NEU4: variants seen among roughly 807,000 people sequenced by gnomAD.
NEU4 encodes neuraminidase 4.
NEU4 carries 7 observed loss-of-function variants against 9.9 expected under a neutral mutation model. The observed-to-expected ratio is 0.71, with a 90% CI of 0.40 to 1.33. NEU4 has a LOEUF of 1.33. NEU4 is among the 40% of genes most tolerant of loss of function. The pLI, the probability that NEU4 is intolerant of heterozygous loss-of-function variation, is 0.01. For missense variants in NEU4, 717 were observed against 712.6 expected (o/e 1.01, Z -0.07); for synonymous variants, 348 against 316.9 (o/e 1.10, Z -1.04).
At chr2:241,812,375 G>A (rs1245161209) in intron 1 of NEU4, among the ~76,000 whole-genome samples, 2 of 152,078 alleles carry the variant, frequency 1.3e-5, no homozygotes, top group Non-Finnish European at 2.9e-5. Context: ...CAGGGAGGGC[G>A]GGGGGCACTG....
intron 1 of NEU4, chr2:241,811,873 T>C (rs1195796202): frequency 1.6e-5 from 3 of 186,812 alleles, no homozygotes; most frequent in Non-Finnish European, 3.3e-5. Context: ...GGGTCTGTGG[T>C]CGGAGTCTTC....
At chr2:241,815,855 G>C in intron 3 of NEU4, 196 bp from the exon 4 acceptor site, 1 of 627,926 alleles carries the variant, frequency 1.6e-6, no homozygotes, top group East Asian at 2.7e-5. Flanking sequence ...GGGCTCGGCT[G>C]CTAAGGGCTG....
rs774451431 is a variant in NEU4 at position 241,814,626 on chromosome 2, G to C, written c.142G>C (p.Asp48His). ...TGTGGAGCAGCGGCTCAGCCCTGACGACTCCCACGCCCACCGCCTGGTGCT... is the reference window on the plus strand; with the variant it reads ...TGTGGAGCAGCGGCTCAGCCCTGACCACTCCCACGCCCACCGCCTGGTGCT... The part of the protein sequence containing the change: ...AFVEQRLSPD[D>H]SHAHRLVLRR... The change falls in exon 2 of 4, where the codon GAC becomes CAC. Residue 48 changes from aspartate (D) to histidine (H), a missense_variant. Physicochemically the swap from Asp to His is moderately conservative, Grantham distance 81. Coordinates refer to ENST00000407683, the MANE Select transcript of NEU4 (RefSeq NM_001167600.3). The C allele has an allele frequency of 5.0e-6, 8 of 1,600,390 alleles. No individual in the cohort carries two copies. Among genetic ancestry groups the C allele is most frequent in the Non-Finnish European group, 6.8e-6 (8 of 1,174,606 alleles).
intron 1 of NEU4, among the ~76,000 whole-genome samples, chr2:241,812,375 G>C (rs1245161209): frequency 6.6e-6 from 1 of 152,078 alleles, no homozygotes; most frequent in African/African-American, 2.4e-5. Flanking sequence ...CAGGGAGGGC[G>C]GGGGGCACTG....
In NEU4 at chr2:241,817,002, C is replaced by T. The variant is rs565670303; in HGVS notation, c.1409C>T (p.Pro470Leu). The T allele has an allele frequency of 2.1e-5, 33 of 1,608,314 alleles. No individual in the cohort carries two copies. The highest frequency in any genetic ancestry group is 1.6e-4 in the East Asian group (7 of 44,824). The part of the protein sequence containing the change: ...VLENVPASPK[P>L]PNLGDKPRGC... The stretch of plus-strand genomic sequence containing the variant: ...GAGAACGTGCCCGCCAGCCCCAAAC[C>T]GCCCAACCTTGGGGACAAGCCTCGG... The change falls in exon 4 of 4, where the codon CCG becomes CTG. Residue 470 changes from proline to leucine, a missense_variant. Physicochemically the swap from Pro to Leu is moderately conservative, Grantham distance 98. Transcript: ENST00000407683.
chr2:241,814,262 G>A (rs1165083379), intron 1 of NEU4: 3 of 626,594 alleles, frequency 4.8e-6, no homozygotes, highest in Non-Finnish European at 8.7e-6. Context: ...ACAGACATTT[G>A]GGGTGGAGTG....
chr2:241,813,515 C>A, intron 1 of NEU4: 1 of 1,215,146 alleles, frequency 8.2e-7, no homozygotes, highest in South Asian at 1.5e-5. Flanking sequence ...ACCCCCCAGG[C>A]AGGTCCCGCC....
intron 3 of NEU4, chr2:241,815,525 A>G (rs1173114278): frequency 2.0e-6 from 1 of 489,418 alleles, no homozygotes; most frequent in Non-Finnish European, 4.1e-6. Flanking sequence ...CCCCCCGCTA[A>G]TCTCTTTATC....
chr2:241,815,753 G>T, intron 3 of NEU4: 1 of 576,476 alleles, frequency 1.7e-6, no homozygotes. Context: ...GGCCAACCCA[G>T]GGACCCCACT....
Position 241,815,024 on chromosome 2 carries a change from G to T in NEU4, c.334G>T (p.Ala112Ser). The change falls in exon 3 of 4, where the codon GCC becomes TCC. Residue 112 changes from alanine (A) to serine (S), a missense_variant. Transcript: ENST00000407683. ...CGCGGTGCTGGGCCACACGCCTGAGGCCGTGCAGATCGCCACGGGAAGGAA... is the reference window on the plus strand; with the variant it reads ...CGCGGTGCTGGGCCACACGCCTGAGTCCGTGCAGATCGCCACGGGAAGGAA... ...FIAVLGHTPE[A>S]VQIATGRNAA... 1.9e-6 allele frequency: 3 copies of T among 1,602,906 alleles called. No homozygotes were observed.
chr2:241,814,575 C>G lies in NEU4; in HGVS notation c.91C>G (p.Pro31Ala), dbSNP rs764199896. Residue 31 changes from proline to alanine, a missense_variant, in exon 2 of 4, where the codon CCC becomes GCC. Transcript: ENST00000407683. ...TYRVPSLLPVPPGPTLLAFVE... is the reference protein window; with the variant it reads ...TYRVPSLLPVAPGPTLLAFVE... Reference sequence around the variant, plus strand: ...CCGCGTGCCCTCGCTGCTCCCCGTGCCCCCCGGGCCCACCCTGCTGGCCTT... The same window carrying G: ...CCGCGTGCCCTCGCTGCTCCCCGTGGCCCCCGGGCCCACCCTGCTGGCCTT... 11 of 1,612,058 alleles carry G rather than the reference C, an allele frequency of 6.8e-6. No individual in the cohort carries two copies. The highest frequency in any genetic ancestry group is 1.7e-5 in the Admixed American group (1 of 59,934).
At chr2:241,813,398 TG>T in intron 1 of NEU4, 1 of 1,083,860 alleles carries the variant, frequency 9.2e-7, no homozygotes, top group Non-Finnish European at 1.1e-6. Context: ...CGCTCCTGCA[TG>T]GTGGAGGACC....
At chr2:241,811,692 T>G in intron 1 of NEU4, 1 of 399,068 alleles carries the variant, frequency 2.5e-6, no homozygotes, top group Non-Finnish European at 4.4e-6. Flanking sequence ...CATCTCCCAA[T>G]GGGACACTTA....
At chr2:241,816,008 G>C in intron 3 of NEU4, 43 bp from the exon 4 acceptor site, 2 of 1,508,748 alleles carry the variant, frequency 1.3e-6, no homozygotes, top group Admixed American at 2.1e-5. Context: ...CCCCGACCTC[G>C]GGGACCCAGC....
In NEU4 at chr2:241,814,934, C is replaced by A; in HGVS notation, c.244C>A (p.His82Asn). ...GCTGGGGACAGCAGCCCTGGCGGAGCACCGGTCCATGAACCCCTGCCCTGT... is the reference window on the plus strand; with the variant it reads ...GCTGGGGACAGCAGCCCTGGCGGAGAACCGGTCCATGAACCCCTGCCCTGT... ...HVLGTAALAE[H>N]RSMNPCPVHD... Residue 82 changes from histidine (H) to asparagine (N), a missense_variant, in exon 3 of 4, where the codon CAC becomes AAC. Transcript: ENST00000407683. 1 of 1,612,130 alleles carries A rather than the reference C, an allele frequency of 6.2e-7. No individual in the cohort carries two copies. Among genetic ancestry groups the A allele is most frequent in the Non-Finnish European group, 8.5e-7 (1 of 1,179,770 alleles).
chr2:241,815,671 C>G, intron 3 of NEU4: 1 of 528,440 alleles, frequency 1.9e-6, no homozygotes, highest in Non-Finnish European at 3.7e-6. Context: ...CACAACTTTC[C>G]CTCCACCCCA....
rs748496589 is a variant in NEU4 at position 241,814,895 on chromosome 2, G to A, written c.205G>A (p.Gly69Ser). ...GTLAGGSVRW[G>S]ALHVLGTAAL... Reference sequence around the variant, plus strand: ...CGGAACTTCCTCCTCTGGGCAGTGGGGTGCCCTGCACGTGCTGGGGACAGC... The same window carrying A: ...CGGAACTTCCTCCTCTGGGCAGTGGAGTGCCCTGCACGTGCTGGGGACAGC... Residue 69 changes from glycine (G) to serine (S), a missense_variant, in exon 3 of 4, where the codon GGT (glycine) becomes AGT (serine). Gly to Ser is a moderately conservative substitution (Grantham distance 56, BLOSUM62 0). Transcript: ENST00000407683. The A allele has an allele frequency of 6.2e-7, 1 of 1,608,406 alleles. No homozygotes were observed. Among genetic ancestry groups the A allele is most frequent in the Non-Finnish European group, 8.5e-7 (1 of 1,177,208 alleles).
chr2:241,814,863 T>A (rs1700257133), intron 2 of NEU4, 29 bp from the exon 3 acceptor site: 1 of 1,591,480 alleles, frequency 6.3e-7, no homozygotes, highest in African/African-American at 1.3e-5. Flanking sequence ...CTGGACGTCC[T>A]GGTCAGCGGA....
intron 1 of NEU4, among the ~76,000 whole-genome samples, chr2:241,810,107 C>T (rs1004806397): frequency 1.3e-5 from 2 of 152,168 alleles, no homozygotes. Context: ...ACCCACCTGC[C>T]CCTGCCCCAG....
Sources: gnomAD v4.1 joint callset for allele counts (sites outside exome capture counted in the v4.1 genomes callset) on GRCh38, gnomAD v4.1.1 for gene constraint, MANE v1.5 for transcripts, NCBI Gene and HGNC (gene_info 2026-07-23, HGNC 2026-07-21) for gene names.